Variants in TMEM232 observed in about 807,000 individuals in gnomAD.
The protein encoded by TMEM232 is transmembrane protein 232.
A neutral mutation model predicts 78.8 loss-of-function variants in TMEM232; 80 were observed. The ratio of observed to expected loss-of-function variants is 1.01; its 90% CI spans 0.85 to 1.22. The LOEUF (loss-of-function observed/expected upper bound fraction) is 1.22, where lower values mean the gene tolerates loss of function less well. Ranked by LOEUF, TMEM232 falls within the 50% of genes most tolerant of loss-of-function variation. TMEM232 has a pLI of 0.00. For missense variants in TMEM232, 881 were observed against 742.2 expected (o/e 1.19, Z -2.17); for synonymous variants, 297 against 254.3 (o/e 1.17, Z -1.60).
rs549361387 is a variant in TMEM232 at position 110,391,326 on chromosome 5, T to TGTGTGTGTGAGAGAGA, written n.391-687_391-686insTCTCTCTCACACACAC. ...GTGTGTGTGTGTGTGTGTGTGTGTG[T>TGTGTGTGTGAGAGAGA]GAGAGAGAGAGAGAGAGAGAGAAAC... On this transcript the variant is annotated intron_variant and non_coding_transcript_variant, in intron 3 of 8. Transcript: ENST00000507188. 3.4e-3 allele frequency among the ~76,000 whole-genome samples: 480 copies of TGTGTGTGTGAGAGAGA among 139,874 alleles called. 3 individuals carry two copies. The highest frequency in any genetic ancestry group is 0.014 in the African/African-American group (464 of 33,984). 91.8% of individuals were successfully genotyped at this position (139,874 alleles called of 152,430 possible).
chr5:110,568,432 A>G lies in TMEM232; in HGVS notation c.1455+15T>C. On this transcript the variant is annotated intron_variant, in intron 11 of 13. Transcript: ENST00000455884. ...TGATAGATGTACATATTTATTGCCC[A>G]GTGTTTTACCTTACCTGAGCTATAT... The G allele has an allele frequency of 1.3e-6, 2 of 1,515,720 alleles. No homozygotes were observed. Among genetic ancestry groups the G allele is most frequent in the Non-Finnish European group, 1.8e-6 (2 of 1,133,850 alleles). The allele number at this position is 1,515,720 out of a possible 1,614,324, so 93.9% of individuals were successfully genotyped here.
At chr5:110,514,174 T>A (rs1041146090) in intron 12 of TMEM232, among the ~76,000 whole-genome samples, 11 of 152,132 alleles carry the variant, frequency 7.2e-5, no homozygotes, top group African/African-American at 2.7e-4. Flanking sequence ...CTATGTCTTA[T>A]CACCATACCC....
At chr5:110,393,212 T>C (rs888731894) in intron 3 of TMEM232, among the ~76,000 whole-genome samples, 1 of 152,240 alleles carries the variant, frequency 6.6e-6, no homozygotes, top group African/African-American at 2.4e-5. Context: ...TCCACATCTT[T>C]ACAGATTTTC....
intron 12 of TMEM232, among the ~76,000 whole-genome samples, chr5:110,523,142 T>C (rs1415466109): frequency 6.6e-6 from 1 of 152,166 alleles, no homozygotes; most frequent in Non-Finnish European, 1.5e-5. Context: ...GTAGGTTTTA[T>C]GTTTCTAGGA....
chr5:110,721,669 G>GTATATATATA lies in TMEM232; in HGVS notation c.-13+4957_-13+4958insTATATATATA, dbSNP rs749643657. Among the ~76,000 whole-genome samples, 10 of 23,846 alleles carry GTATATATATA rather than the reference G, an allele frequency of 4.2e-4. 1 individual carries two copies. Among genetic ancestry groups the GTATATATATA allele is most frequent in the African/African-American group, 7.9e-4 (10 of 12,720 alleles). 15.6% of individuals were successfully genotyped at this position (23,846 alleles called of 152,430 possible). A position where few individuals can be genotyped will look rare whatever the true frequency, so the allele number is the denominator to read the frequency against. On this transcript the variant is annotated intron_variant, in intron 1 of 13. Coordinates refer to ENST00000455884, the MANE Select transcript of TMEM232 (RefSeq NM_001039763.4). ...GTCTGCATATCATGTGTGTGTGTGT[G>GTATATATATA]TGTGTATATATATATCTGTGTGTGT...
intron 8 of TMEM232, 101 bp downstream of exon 8, chr5:110,618,328 G>T: frequency 7.1e-7 from 1 of 1,412,528 alleles, no homozygotes; most frequent in South Asian, 1.4e-5. Context: ...TTGTTTCATA[G>T]TCAACTGAGG....
intron 12 of TMEM232, among the ~76,000 whole-genome samples, chr5:110,434,165 T>TG (rs1758161884): frequency 6.9e-6 from 1 of 143,914 alleles, no homozygotes; most frequent in African/African-American, 2.6e-5. Flanking sequence ...AAAGAATAAA[T>TG]GAAAAAAAAA....
chr5:110,619,152 ACT>A (rs978723669), intron 7 of TMEM232, among the ~76,000 whole-genome samples: 28 of 152,208 alleles, frequency 1.8e-4, no homozygotes, highest in Admixed American at 7.2e-4. Context: ...ATGACATAGC[ACT>A]CTCTGAATTT....
chr5:110,544,174 C>T lies in TMEM232; in HGVS notation c.1456-15339G>A, dbSNP rs953882387. Among the ~76,000 whole-genome samples the T allele has an allele frequency of 4.6e-5, 7 of 152,100 alleles. No individual in the cohort carries two copies. In the East Asian group the frequency reaches 1.2e-3, roughly 25 times the overall value. Reference sequence around the variant, plus strand: ...AATTCAGGGTTTCCTTTTATTAGTACATTATTAGAACATGACTTCTTTATT... The same window carrying T: ...AATTCAGGGTTTCCTTTTATTAGTATATTATTAGAACATGACTTCTTTATT... On this transcript the variant is annotated intron_variant, in intron 11 of 13. Coordinates refer to ENST00000455884, the MANE Select transcript of TMEM232 (RefSeq NM_001039763.4).
chr5:110,627,729 A>C (rs6886702), intron 6 of TMEM232, 52 bp downstream of exon 6: 317,866 of 1,247,908 alleles, frequency 0.25, 53,986 homozygotes, highest in African/African-American at 0.81. Context: ...GTCTGAGCTT[A>C]TCAAAATATA....
intron 1 of TMEM232, among the ~76,000 whole-genome samples, chr5:110,685,166 T>G (rs1191948562): frequency 1.3e-5 from 2 of 152,088 alleles, no homozygotes; most frequent in East Asian, 3.8e-4. Context: ...TATTTAGAAT[T>G]AAATGATAGT....
At chr5:110,489,901 G>A (rs1224172067) in intron 12 of TMEM232, among the ~76,000 whole-genome samples, 11 of 151,804 alleles carry the variant, frequency 7.2e-5, no homozygotes, top group South Asian at 2.1e-4. Flanking sequence ...CGAGGCGGGC[G>A]GATCACAAGG....
chr5:110,463,132 AT>A (rs1761715938), intron 12 of TMEM232, among the ~76,000 whole-genome samples: 1 of 152,174 alleles, frequency 6.6e-6, no homozygotes, highest in African/African-American at 2.4e-5. Context: ...GAAATCTTTC[AT>A]TGTGGCGACT....
chr5:110,589,449 T>G (rs564312816), intron 10 of TMEM232, among the ~76,000 whole-genome samples: 1 of 152,270 alleles, frequency 6.6e-6, no homozygotes, highest in Admixed American at 6.6e-5. Flanking sequence ...CAACGTCACC[T>G]TTTGCACATT....
intron 12 of TMEM232, among the ~76,000 whole-genome samples, chr5:110,460,670 C>CT (rs34537993): frequency 4.0e-3 from 553 of 139,042 alleles, no homozygotes; most frequent in South Asian, 5.6e-3. Context: ...TTGCATTTTT[C>CT]TTTTTTTTTT....
chr5:110,507,214 T>C (rs968384613), intron 12 of TMEM232, among the ~76,000 whole-genome samples: 8 of 152,176 alleles, frequency 5.3e-5, no homozygotes, highest in Admixed American at 1.3e-4. Context: ...AGGTTGTGAA[T>C]TATTTTGTGT....
intron 12 of TMEM232, among the ~76,000 whole-genome samples, chr5:110,495,904 C>T (rs1167232387): frequency 3.3e-5 from 5 of 151,204 alleles, no homozygotes; most frequent in Admixed American, 6.6e-5. Context: ...TGTTCACTTG[C>T]TTTGCTAGTA....
At chr5:110,417,284 C>T (rs1023985509), downstream of TMEM232, among the ~76,000 whole-genome samples, 2 of 152,144 alleles carry the variant, frequency 1.3e-5, no homozygotes, top group Non-Finnish European at 2.9e-5. Flanking sequence ...GGTAAACAGA[C>T]ATGTAGAATC....
intron 12 of TMEM232, among the ~76,000 whole-genome samples, chr5:110,522,456 G>C (rs867136090): frequency 1.3e-5 from 2 of 152,146 alleles, no homozygotes; most frequent in Non-Finnish European, 2.9e-5. Context: ...GTTTTGAACA[G>C]AAATAGCAAG....
Sources: gnomAD v4.1 joint callset for allele counts (sites outside exome capture counted in the v4.1 genomes callset) on GRCh38, gnomAD v4.1.1 for gene constraint, MANE v1.5 for transcripts, NCBI Gene and HGNC (gene_info 2026-07-23, HGNC 2026-07-21) for gene names.